MID1: variants seen among roughly 807,000 people sequenced by gnomAD.
MID1 encodes E3 ubiquitin-protein ligase Midline-1.
A neutral mutation model predicts 40.4 loss-of-function variants in MID1; 7 were observed. The observed-to-expected ratio is 0.17, with a 90% CI of 0.10 to 0.33. MID1 has a LOEUF of 0.33. Among genes scored for constraint, MID1 ranks in the 10% least tolerant of loss-of-function variants. The probability of loss-of-function intolerance (pLI) is 1.00; values close to 1 mark genes in which losing one functional copy is unlikely to be tolerated. For missense variants in MID1, 367 were observed against 558.5 expected, an observed-to-expected ratio of 0.66 and a Z score of 3.46; for synonymous variants, 229 against 221.2, an observed-to-expected ratio of 1.04 and a Z score of -0.31.
Position 10,445,775 on chromosome X carries a change from T to C in MID1, c.*3593A>G, listed in dbSNP as rs1367264210. ...TCCCATTTACACAGGCTTGGATTGCTTTTCAGATATCAGATTTTTGGAACT... is the reference window on the plus strand; with the variant it reads ...TCCCATTTACACAGGCTTGGATTGCCTTTCAGATATCAGATTTTTGGAACT... On this transcript the variant is annotated 3_prime_UTR_variant, in exon 10 of 10. Transcript: ENST00000317552. 8.9e-6 allele frequency: 1 copy of C among 111,869 alleles called. No individual in the cohort carries two copies. The allele number at this position is 111,869 out of a possible 1,213,427, so 9.2% of individuals were successfully genotyped here. A position where few individuals can be genotyped will look rare whatever the true frequency, so the allele number is the denominator to read the frequency against.
At chrX:10,640,163 C>A (rs1277032673) in intron 1 of MID1, among the ~76,000 whole-genome samples, 1 of 111,683 alleles carries the variant, frequency 9.0e-6, no homozygotes, top group Non-Finnish European at 1.9e-5. Context: ...TCACACATAA[C>A]AATATTAACT....
At chrX:10,593,584 C>T (rs187485760) in intron 1 of MID1, among the ~76,000 whole-genome samples, 11 of 111,525 alleles carry the variant, frequency 9.9e-5, no homozygotes, top group African/African-American at 2.9e-4. Flanking sequence ...TTGTAGAAGA[C>T]GCTCCTGTAT....
At chrX:10,613,716 TATATATATATATATATAGAGAGAG>T (rs1205859789) in intron 1 of MID1, among the ~76,000 whole-genome samples, 1 of 54,004 alleles carries the variant, frequency 1.9e-5, no homozygotes, top group African/African-American at 9.6e-5. Context: ...TATATATATA[TATATATATATATATATAGAGAGAG>T]AGAGAGAGAG....
chrX:10,461,304 A>AGT (rs773995432), intron 7 of MID1, among the ~76,000 whole-genome samples: 1 of 107,468 alleles, frequency 9.3e-6, no homozygotes, highest in Non-Finnish European at 1.9e-5. Flanking sequence ...GAAGGGTTTG[A>AGT]GTGTGTGTGT....
intron 1 of MID1, among the ~76,000 whole-genome samples, chrX:10,686,781 A>G (rs2043101483): frequency 8.9e-6 from 1 of 112,251 alleles, no homozygotes; most frequent in Non-Finnish European, 1.9e-5. Context: ...AACCTGGCTG[A>G]GAGCTCTGGA....
chrX:10,509,288 T>C (rs1234883088), intron 3 of MID1, among the ~76,000 whole-genome samples: 4 of 111,750 alleles, frequency 3.6e-5, no homozygotes, highest in African/African-American at 6.5e-5. Flanking sequence ...GAGACTGATA[T>C]TGAAAATGTT....
chrX:10,578,682 T>C (rs1261403451), intron 1 of MID1, among the ~76,000 whole-genome samples: 2 of 112,034 alleles, frequency 1.8e-5, no homozygotes, highest in Admixed American at 9.4e-5. Context: ...ATGCAAGAAT[T>C]TGGTTCTGAA....
chrX:10,610,828 A>G (rs966983132), intron 1 of MID1, among the ~76,000 whole-genome samples: 1 of 111,923 alleles, frequency 8.9e-6, no homozygotes, highest in Non-Finnish European at 1.9e-5. Context: ...GAATGTTTCA[A>G]ACAATGTTTG....
intron 1 of MID1, among the ~76,000 whole-genome samples, chrX:10,686,563 G>A (rs2043099332): frequency 8.9e-6 from 1 of 111,971 alleles, no homozygotes. Context: ...ACCTCCACAG[G>A]GCAAGGGTAA....
At chrX:10,740,656 TTAA>T (rs754658842) in intron 1 of MID1, among the ~76,000 whole-genome samples, 3 of 111,814 alleles carry the variant, frequency 2.7e-5, no homozygotes, top group Admixed American at 9.5e-5. Context: ...TAAAACGGGT[TTAA>T]TAATAATATT....
intron 1 of MID1, among the ~76,000 whole-genome samples, chrX:10,758,625 G>A (rs767929912): frequency 9.3e-6 from 1 of 107,541 alleles, no homozygotes; most frequent in Non-Finnish European, 1.9e-5. Context: ...CCAGTAGCTG[G>A]GACTACAGTT....
chrX:10,479,297 A>G (rs981496423), intron 5 of MID1, among the ~76,000 whole-genome samples: 1 of 112,253 alleles, frequency 8.9e-6, no homozygotes, highest in African/African-American at 3.2e-5. Context: ...CACATCACAG[A>G]GAATAAGTTA....
chrX:10,601,281 A>G (rs1935513808), intron 1 of MID1, among the ~76,000 whole-genome samples: 1 of 112,099 alleles, frequency 8.9e-6, no homozygotes, highest in Non-Finnish European at 1.9e-5. Flanking sequence ...TGCAAACTAT[A>G]GACCACAGGC....
intron 1 of MID1, among the ~76,000 whole-genome samples, chrX:10,679,408 C>T (rs769585283): frequency 4.5e-5 from 5 of 111,804 alleles, no homozygotes; most frequent in African/African-American, 1.3e-4. Flanking sequence ...CAGAAACAGA[C>T]GTGAGATTCC....
intron 1 of MID1, among the ~76,000 whole-genome samples, chrX:10,694,463 A>G (rs2043149232): frequency 8.9e-6 from 1 of 112,076 alleles, no homozygotes; most frequent in African/African-American, 3.2e-5. Flanking sequence ...TTCTGTTGGT[A>G]ATCTGTTTTG....
chrX:10,672,253 G>A (rs1193431597), intron 1 of MID1, among the ~76,000 whole-genome samples: 1 of 110,860 alleles, frequency 9.0e-6, no homozygotes, highest in Non-Finnish European at 1.9e-5. Context: ...AAGAAGATGT[G>A]GTAGTCAGAA....
chrX:10,671,114 C>A (rs1240514148), intron 1 of MID1, among the ~76,000 whole-genome samples: 1 of 111,791 alleles, frequency 8.9e-6, no homozygotes, highest in African/African-American at 3.3e-5. Flanking sequence ...CAGGAATGTG[C>A]CTCAGAAAAA....
chrX:10,536,568 G>A (rs2147398892), intron 2 of MID1, among the ~76,000 whole-genome samples: 1 of 112,646 alleles, frequency 8.9e-6, no homozygotes, highest in African/African-American at 3.2e-5. Flanking sequence ...AATCCAGTGA[G>A]AGAAAACTGT....
upstream of MID1, among the ~76,000 whole-genome samples, chrX:10,623,267 A>G (rs1412583873): frequency 9.7e-6 from 1 of 103,262 alleles, no homozygotes; most frequent in East Asian, 2.9e-4. Context: ...AAAAAAATAA[A>G]GAAAGGAAAG....
Sources: allele counts gnomAD v4.1 joint callset (sites outside exome capture counted in the v4.1 genomes callset), GRCh38; gene constraint gnomAD v4.1.1; transcripts MANE v1.5; gene names NCBI Gene and HGNC (gene_info 2026-07-23, HGNC 2026-07-21).